The following AK5 variants were observed in gnomAD, a reference collection of about 807,000 sequenced individuals.
AK5 encodes the protein adenylate kinase isoenzyme 5.
AK5 carries 27 observed loss-of-function variants against 69.5 expected under a neutral mutation model. The observed-to-expected ratio is 0.39, with a 90% CI of 0.29 to 0.54. AK5 has a LOEUF of 0.54. Among genes scored for constraint, AK5 ranks in the 20% least tolerant of loss-of-function variants. The pLI is 0.71. For missense variants in AK5, 531 were observed against 700.4 expected (o/e 0.76, Z 2.73); for synonymous variants, 260 against 244.4 (o/e 1.06, Z -0.60).
intron 8 of AK5, among the ~76,000 whole-genome samples, chr1:77,450,343 C>G (rs1048120238): frequency 6.6e-6 from 1 of 152,196 alleles, no homozygotes; most frequent in African/African-American, 2.4e-5. Context: ...CAGCAATGCC[C>G]CACTCTACTG....
At chr1:77,473,064 C>T (rs1570206088) in intron 8 of AK5, among the ~76,000 whole-genome samples, 1 of 152,174 alleles carries the variant, frequency 6.6e-6, no homozygotes, top group Admixed American at 6.5e-5. Flanking sequence ...TGTAAGGTAA[C>T]ATATTCACAA....
chr1:77,475,052 C>T (rs933303088), intron 8 of AK5, among the ~76,000 whole-genome samples: 3 of 151,574 alleles, frequency 2.0e-5, no homozygotes, highest in African/African-American at 7.3e-5. Context: ...ATCCTCCCAC[C>T]TCAGCCTCCC....
chr1:77,384,673 G>A (rs916949823), intron 6 of AK5, among the ~76,000 whole-genome samples: 6 of 152,074 alleles, frequency 3.9e-5, no homozygotes, highest in Non-Finnish European at 5.9e-5. Context: ...AAAAGAAATA[G>A]GACACCTTTC....
intron 10 of AK5, among the ~76,000 whole-genome samples, chr1:77,497,325 G>A (rs1034360205): frequency 6.6e-6 from 1 of 152,006 alleles, no homozygotes; most frequent in Non-Finnish European, 1.5e-5. Flanking sequence ...CACTGCAAAG[G>A]TCTGCGTCTT....
intron 6 of AK5, among the ~76,000 whole-genome samples, chr1:77,364,486 T>C (rs978613973): frequency 1.3e-5 from 2 of 152,206 alleles, no homozygotes; most frequent in Non-Finnish European, 2.9e-5. Flanking sequence ...TCTATCTAGC[T>C]GTAATTTTGT....
chr1:77,455,052 T>C (rs998278698), intron 8 of AK5, among the ~76,000 whole-genome samples: 3 of 152,228 alleles, frequency 2.0e-5, no homozygotes, highest in Non-Finnish European at 4.4e-5. Context: ...ACTGAGTGTT[T>C]CACATACTTC....
At chr1:77,305,627 C>A (rs547068197) in intron 5 of AK5, among the ~76,000 whole-genome samples, 2 of 152,120 alleles carry the variant, frequency 1.3e-5, no homozygotes, top group Admixed American at 6.5e-5. Context: ...GTTCTTGATA[C>A]CTTTGTTGAA....
intron 12 of AK5, among the ~76,000 whole-genome samples, chr1:77,530,521 C>T (rs905475169): frequency 6.6e-6 from 1 of 152,128 alleles, no homozygotes; most frequent in Non-Finnish European, 1.5e-5. Context: ...TGAGTGAGGC[C>T]GCTGACTCTT....
chr1:77,434,960 A>T (rs1167987676), intron 8 of AK5, among the ~76,000 whole-genome samples: 1 of 152,230 alleles, frequency 6.6e-6, no homozygotes, highest in Non-Finnish European at 1.5e-5. Context: ...TAGATGGAAC[A>T]ATTCAAACAT....
intron 6 of AK5, among the ~76,000 whole-genome samples, chr1:77,403,057 C>G (rs1251452276): frequency 6.6e-6 from 1 of 152,148 alleles, no homozygotes; most frequent in Non-Finnish European, 1.5e-5. Context: ...TGATGATGAG[C>G]ATTTTTTCAT....
chr1:77,525,565 T>G (rs1013935543), intron 12 of AK5, among the ~76,000 whole-genome samples: 5 of 152,092 alleles, frequency 3.3e-5, no homozygotes, highest in African/African-American at 1.2e-4. Flanking sequence ...AATCACATCT[T>G]CCATGAACTT....
intron 13 of AK5, among the ~76,000 whole-genome samples, chr1:77,540,245 T>G (rs889521943): frequency 1.3e-5 from 2 of 152,246 alleles, no homozygotes; most frequent in Non-Finnish European, 2.9e-5. Context: ...AGTTAGAACT[T>G]CTTGTAACGT....
chr1:77,331,701 C>T (rs1247976807), intron 5 of AK5, among the ~76,000 whole-genome samples: 1 of 151,858 alleles, frequency 6.6e-6, no homozygotes, highest in African/African-American at 2.4e-5. Flanking sequence ...TGTTCTCAGG[C>T]TTTGGATTAT....
intron 7 of AK5, among the ~76,000 whole-genome samples, chr1:77,412,089 C>T (rs1197890891): frequency 3.3e-5 from 5 of 152,202 alleles, no homozygotes; most frequent in Admixed American, 2.6e-4. Context: ...AAGTGACTAC[C>T]TCTAACGACA....
chr1:77,406,535 C>T (rs1649660662), intron 6 of AK5, among the ~76,000 whole-genome samples: 2 of 141,064 alleles, frequency 1.4e-5, no homozygotes, highest in African/African-American at 5.6e-5. Flanking sequence ...CCTGTTTTTT[C>T]CCCCTTGCTT....
At chr1:77,407,445 A>T (rs1160779067) in intron 6 of AK5, among the ~76,000 whole-genome samples, 2 of 152,192 alleles carry the variant, frequency 1.3e-5, no homozygotes, top group Admixed American at 6.5e-5. Flanking sequence ...AATCTAGAAA[A>T]TGTAAAATAA....
chr1:77,479,649 A>ACTCT (rs142595077), intron 8 of AK5, among the ~76,000 whole-genome samples: 8 of 150,436 alleles, frequency 5.3e-5, no homozygotes, highest in East Asian at 1.9e-4. Flanking sequence ...CTATATTTAT[A>ACTCT]CTCTCTCTCT....
At chr1:77,422,385 A>C (rs559427097) in intron 8 of AK5, among the ~76,000 whole-genome samples, 10 of 152,340 alleles carry the variant, frequency 6.6e-5, no homozygotes, top group Non-Finnish European at 1.2e-4. Context: ...TTTCAGAATT[A>C]AACTGGAAGC....
At chr1:77,362,837 A>G (rs1027114441) in intron 6 of AK5, among the ~76,000 whole-genome samples, 14 of 152,314 alleles carry the variant, frequency 9.2e-5, no homozygotes, top group Admixed American at 3.3e-4. Flanking sequence ...GTAATTTGGT[A>G]ATATGAATCA....
Sources: allele counts gnomAD v4.1 joint callset (sites outside exome capture counted in the v4.1 genomes callset), GRCh38; gene constraint gnomAD v4.1.1; transcripts MANE v1.5; gene names NCBI Gene and HGNC (gene_info 2026-07-23, HGNC 2026-07-21).